Variants in ABCC4 observed in about 807,000 individuals in gnomAD.
The protein encoded by ABCC4 is ATP-binding cassette sub-family C member 4.
Under a neutral mutation model 168.5 loss-of-function variants are expected in ABCC4, and 102 were observed. The ratio of observed to expected loss-of-function variants is 0.61; its 90% CI spans 0.52 to 0.71. The LOEUF is 0.71. Ranked by LOEUF, ABCC4 falls within the 30% of genes least tolerant of loss-of-function variation. The pLI is 0.00. For synonymous variants in ABCC4, 617 were observed against 590.7 expected, an observed-to-expected ratio of 1.04 and a Z score of -0.65; for missense variants, 1,402 against 1,605.8, an observed-to-expected ratio of 0.87 and a Z score of 2.17.
intron 1 of ABCC4, among the ~76,000 whole-genome samples, chr13:95,262,836 T>C (rs1478208628): frequency 6.6e-6 from 1 of 152,152 alleles, no homozygotes; most frequent in Admixed American, 6.5e-5. Flanking sequence ...GGTTTCACCA[T>C]GTTGGCCAGG....
chr13:95,082,956 G>C (rs184577139), intron 21 of ABCC4, among the ~76,000 whole-genome samples, 184 bp downstream of exon 21: 30 of 152,230 alleles, frequency 2.0e-4, no homozygotes, highest in African/African-American at 7.0e-4. Context: ...GTTGCACGTT[G>C]CAGGCTATCA....
intron 25 of ABCC4, 34 bp from the exon 26 acceptor site, chr13:95,062,893 A>G: frequency 8.5e-7 from 1 of 1,178,998 alleles, no homozygotes. Context: ...GATTAAAAAA[A>G]AAAAGAAAAA....
intron 1 of ABCC4, among the ~76,000 whole-genome samples, chr13:95,281,965 G>A (rs538770988): frequency 4.1e-4 from 62 of 152,048 alleles, no homozygotes; most frequent in Non-Finnish European, 7.2e-4. Context: ...AAATTACCCG[G>A]ATGTGGTAGC....
intron 27 of ABCC4, among the ~76,000 whole-genome samples, chr13:95,050,646 T>C (rs552205499): frequency 6.6e-6 from 1 of 152,326 alleles, no homozygotes; most frequent in Admixed American, 6.5e-5. Context: ...CATAAAGAAG[T>C]AGTTCCCAGA....
intron 26 of ABCC4, among the ~76,000 whole-genome samples, chr13:95,056,185 AG>A (rs2033046826): frequency 6.6e-6 from 1 of 152,130 alleles, no homozygotes; most frequent in Non-Finnish European, 1.5e-5. Context: ...GTCCCAAACC[AG>A]GAAACTTCGC....
chr13:95,037,717 A>G (rs1235322199), intron 29 of ABCC4, among the ~76,000 whole-genome samples: 1 of 152,204 alleles, frequency 6.6e-6, no homozygotes, highest in Non-Finnish European at 1.5e-5. Flanking sequence ...TTTCATTTGG[A>G]TAATAACTGC....
intron 1 of ABCC4, among the ~76,000 whole-genome samples, chr13:95,287,015 T>C (rs2041274928): frequency 6.7e-6 from 1 of 149,926 alleles, no homozygotes; most frequent in Non-Finnish European, 1.5e-5. Context: ...TATTGTTTCA[T>C]TGACCGGGCA....
chr13:95,086,642 C>T (rs1157577337), intron 20 of ABCC4, among the ~76,000 whole-genome samples: 1 of 152,130 alleles, frequency 6.6e-6, no homozygotes, highest in Non-Finnish European at 1.5e-5. Flanking sequence ...GATTCTGTTC[C>T]TGCTAGTCTT....
rs1435785595 is a variant in ABCC4 at position 95,091,249 on chromosome 13, T to G, written c.2536-7959A>C. ...GGGCAAATAATCGAGGAAAACTTCT[T>G]CAGCCTTGCTAGAGACCTAGACATC... is the stretch of plus-strand genomic sequence containing the variant. On this transcript the variant is annotated intron_variant, in intron 20 of 30. Transcript: ENST00000645237. Among the ~76,000 whole-genome samples the G allele has an allele frequency of 3.3e-5, 5 of 152,258 alleles. No individual in the cohort carries two copies. In the East Asian group the frequency reaches 9.7e-4, roughly 29 times the overall value.
At chr13:95,286,222 C>T (rs1305617165) in intron 1 of ABCC4, among the ~76,000 whole-genome samples, 1 of 151,168 alleles carries the variant, frequency 6.6e-6, no homozygotes, top group African/African-American at 2.4e-5. Context: ...CAGGTTCAAG[C>T]GATTCTCCTG....
intron 19 of ABCC4, among the ~76,000 whole-genome samples, chr13:95,158,820 A>C (rs1184278113): frequency 6.6e-6 from 1 of 152,072 alleles, no homozygotes; most frequent in African/African-American, 2.4e-5. Flanking sequence ...CTGTAATCCC[A>C]GCACTTGAGG....
chr13:95,222,609 C>G (rs1417990544), intron 4 of ABCC4, among the ~76,000 whole-genome samples: 1 of 152,128 alleles, frequency 6.6e-6, no homozygotes, highest in Admixed American at 6.6e-5. Flanking sequence ...AGAGCTGGTG[C>G]TGAGGAGGAG....
intron 4 of ABCC4, among the ~76,000 whole-genome samples, chr13:95,215,223 C>G (rs76799740): frequency 0.016 from 2,448 of 152,118 alleles, 62 homozygotes; most frequent in African/African-American, 0.051. Flanking sequence ...GAGTTCGCGA[C>G]CAGCCTGGGC....
At chr13:95,206,083 G>A (rs550629553) in intron 8 of ABCC4, among the ~76,000 whole-genome samples, 93 of 152,204 alleles carry the variant, frequency 6.1e-4, no homozygotes, top group African/African-American at 2.1e-3. Context: ...TTTCAAACAG[G>A]GATAGCTAAG....
intron 20 of ABCC4, among the ~76,000 whole-genome samples, chr13:95,113,567 TAA>T (rs10719221): frequency 3.5e-3 from 518 of 147,108 alleles, no homozygotes; most frequent in Non-Finnish European, 3.2e-3. Flanking sequence ...CTAGGCAACT[TAA>T]AAAAAAAAAA....
intron 13 of ABCC4, among the ~76,000 whole-genome samples, chr13:95,175,695 G>T (rs1183646299): frequency 6.6e-6 from 1 of 152,228 alleles, no homozygotes; most frequent in Non-Finnish European, 1.5e-5. Flanking sequence ...TTTTCAGGAA[G>T]AGGAGATTTG....
At chr13:95,236,900 G>A (rs576125151) in intron 3 of ABCC4, among the ~76,000 whole-genome samples, 10 of 152,228 alleles carry the variant, frequency 6.6e-5, no homozygotes, top group East Asian at 1.9e-4. Flanking sequence ...GAAGCAAGAC[G>A]GCCAAACTGT....
intron 21 of ABCC4, among the ~76,000 whole-genome samples, chr13:95,080,533 G>A (rs2034060153): frequency 6.6e-6 from 1 of 152,136 alleles, no homozygotes; most frequent in African/African-American, 2.4e-5. Flanking sequence ...AAGTGCAATG[G>A]CACAATCTCA....
chr13:95,237,692 A>T (rs771356234), intron 3 of ABCC4, among the ~76,000 whole-genome samples: 1 of 152,060 alleles, frequency 6.6e-6, no homozygotes, highest in Non-Finnish European at 1.5e-5. Context: ...GACACATTAC[A>T]TGTCTAGGCC....
Sources: gnomAD v4.1 joint callset for allele counts (sites outside exome capture counted in the v4.1 genomes callset) on GRCh38, gnomAD v4.1.1 for gene constraint, MANE v1.5 for transcripts, NCBI Gene and HGNC (gene_info 2026-07-23, HGNC 2026-07-21) for gene names.